The following PPP2R3A variants were observed in gnomAD, a reference collection of about 807,000 sequenced individuals.
PPP2R3A encodes protein phosphatase 2 regulatory subunit B''alpha, also known as serine/threonine-protein phosphatase 2A regulatory subunit B'' subunit alpha.
In PPP2R3A, 80 loss-of-function variants were observed where a neutral mutation model predicts 106.9. The observed-to-expected ratio is 0.75, with a 90% CI of 0.62 to 0.90. PPP2R3A has a LOEUF of 0.90. PPP2R3A is among the 40% of genes least tolerant of loss of function. The pLI is 0.00. For synonymous variants in PPP2R3A, 483 were observed against 468.3 expected, an observed-to-expected ratio of 1.03 and a Z score of -0.41; for missense variants, 1,386 against 1,350.4, an observed-to-expected ratio of 1.03 and a Z score of -0.41.
intron 13 of PPP2R3A, among the ~76,000 whole-genome samples, chr3:136,140,003 C>T (rs1369928726): frequency 3.2e-5 from 4 of 123,618 alleles, no homozygotes; most frequent in Non-Finnish European, 5.1e-5. Flanking sequence ...GAGACTCTGT[C>T]TCAAAAAAAA....
At chr3:136,087,248 T>TCTCTCTCC (rs1936967321) in intron 8 of PPP2R3A, among the ~76,000 whole-genome samples, 1 of 66,490 alleles carries the variant, frequency 1.5e-5, no homozygotes. Flanking sequence ...TAGTCGTGTC[T>TCTCTCTCC]CTCTCTCTCT....
intron 2 of PPP2R3A, among the ~76,000 whole-genome samples, chr3:136,012,072 T>A (rs1934105598): frequency 6.6e-6 from 1 of 152,140 alleles, no homozygotes; most frequent in Admixed American, 6.6e-5. Flanking sequence ...ACCAGGCATT[T>A]ATTTAACATG....
intron 8 of PPP2R3A, among the ~76,000 whole-genome samples, chr3:136,087,055 T>A (rs550552867): frequency 1.8e-4 from 27 of 152,032 alleles, no homozygotes; most frequent in Admixed American, 1.3e-4. Context: ...TACAAAAAAA[T>A]TAGCCAGGTA....
In PPP2R3A at chr3:136,146,883, ACTTTT is replaced by A. The variant is rs1044994865; in HGVS notation, c.*1721_*1725del. The A allele has an allele frequency of 6.7e-6, 1 of 149,732 alleles. No individual in the cohort carries two copies. The highest frequency in any genetic ancestry group is 2.5e-5 in the African/African-American group (1 of 39,302). The allele number at this position is 149,732 out of a possible 1,614,324, so 9.3% of individuals were successfully genotyped here. A position where few individuals can be genotyped will look rare whatever the true frequency, so the allele number is the denominator to read the frequency against. ...ATAGAAATACAAAAAAAAAAAAAAT[ACTTTT>A]CTTAGAAGCCAGATATGGTTTAAAT... On this transcript the variant is annotated 3_prime_UTR_variant, in exon 14 of 14. Transcript: ENST00000264977.
At chr3:135,982,144 A>G (rs1209771161) in intron 1 of PPP2R3A, among the ~76,000 whole-genome samples, 2 of 151,788 alleles carry the variant, frequency 1.3e-5, no homozygotes, top group Non-Finnish European at 2.9e-5. Flanking sequence ...GACAGGTCTT[A>G]CTGAATGAGT....
chr3:136,024,730 C>G (rs6773511), intron 2 of PPP2R3A, among the ~76,000 whole-genome samples: 4,853 of 152,192 alleles, frequency 0.032, 269 homozygotes, highest in African/African-American at 0.11. Flanking sequence ...TGTGACACCA[C>G]AGAAAACATT....
intron 2 of PPP2R3A, among the ~76,000 whole-genome samples, chr3:136,012,690 A>G (rs1156494961): frequency 6.6e-6 from 1 of 152,248 alleles, no homozygotes; most frequent in Non-Finnish European, 1.5e-5. Context: ...GAAATCTAGT[A>G]TTAACTAATT....
intron 13 of PPP2R3A, among the ~76,000 whole-genome samples, chr3:136,142,971 A>G (rs867213854): frequency 6.6e-6 from 1 of 152,224 alleles, no homozygotes; most frequent in African/African-American, 2.4e-5. Context: ...CACTTGCATT[A>G]GCGGAAAGTT....
chr3:136,101,830 G>C (rs1178412012), intron 10 of PPP2R3A, among the ~76,000 whole-genome samples, 177 bp from the exon 11 acceptor site: 1 of 152,128 alleles, frequency 6.6e-6, no homozygotes, highest in African/African-American at 2.4e-5. Flanking sequence ...GGTTGATTCT[G>C]GGTGGAAAAA....
At chr3:136,093,079 CAAAAG>C (rs560945897) in intron 10 of PPP2R3A, among the ~76,000 whole-genome samples, 1 of 152,134 alleles carries the variant, frequency 6.6e-6, no homozygotes, top group Admixed American at 6.6e-5. Flanking sequence ...GCATAAGTAT[CAAAAG>C]AAAAAGTCAA....
At chr3:136,088,761 T>C (rs1937021475) in intron 9 of PPP2R3A, among the ~76,000 whole-genome samples, 2 of 152,182 alleles carry the variant, frequency 1.3e-5, no homozygotes, top group African/African-American at 4.8e-5. Flanking sequence ...TGTGTTACAT[T>C]TTGACGTTTT....
At chr3:136,081,824 G>A (rs1467225182) in intron 7 of PPP2R3A, among the ~76,000 whole-genome samples, 1 of 152,150 alleles carries the variant, frequency 6.6e-6, no homozygotes, top group Non-Finnish European at 1.5e-5. Context: ...AGTAACCTTT[G>A]TGATATAAAC....
intron 2 of PPP2R3A, among the ~76,000 whole-genome samples, chr3:136,023,783 C>G (rs933009162): frequency 6.6e-6 from 1 of 152,030 alleles, no homozygotes; most frequent in Non-Finnish European, 1.5e-5. Context: ...AATGTCTTCC[C>G]TAAGCAAGCT....
chr3:136,049,176 A>G lies in PPP2R3A; in HGVS notation c.2367-83A>G, dbSNP rs560048391. 5.2e-4 allele frequency: 534 copies of G among 1,036,504 alleles called. 1 individual carries two copies. In the African/African-American group the frequency reaches 7.6e-3, roughly 15 times the overall value. 64.2% of individuals were successfully genotyped at this position (1,036,504 alleles called of 1,614,324 possible). On this transcript the variant is annotated intron_variant, in intron 4 of 13. Coordinates refer to ENST00000264977, the MANE Select transcript of PPP2R3A (RefSeq NM_002718.5). ...TGTTGATCTGAGTGGCCTTCAGATC[A>G]AACTGAAATTACTAACTATTGATGT...
intron 2 of PPP2R3A, among the ~76,000 whole-genome samples, chr3:136,006,613 G>T (rs1400349495): frequency 1.3e-5 from 2 of 152,140 alleles, no homozygotes; most frequent in East Asian, 3.8e-4. Flanking sequence ...TTGGTCCATG[G>T]ACTGAAGTTT....
chr3:136,121,537 C>CA (rs1937998143), intron 13 of PPP2R3A, among the ~76,000 whole-genome samples: 1 of 152,086 alleles, frequency 6.6e-6, no homozygotes, highest in Non-Finnish European at 1.5e-5. Flanking sequence ...CAGCAACATG[C>CA]AATTTACCCA....
chr3:136,043,827 T>G (rs1410164729), intron 4 of PPP2R3A, among the ~76,000 whole-genome samples: 1 of 152,214 alleles, frequency 6.6e-6, no homozygotes, highest in Non-Finnish European at 1.5e-5. Flanking sequence ...AGATGCTAGT[T>G]TAGAATAGCT....
At chr3:135,967,787 C>CT (rs1335524456) in intron 1 of PPP2R3A, among the ~76,000 whole-genome samples, 1 of 152,198 alleles carries the variant, frequency 6.6e-6, no homozygotes, top group Non-Finnish European at 1.5e-5. Context: ...ATTGACAGCT[C>CT]TTTTGAGTGT....
intron 13 of PPP2R3A, among the ~76,000 whole-genome samples, chr3:136,117,880 G>A (rs892961330): frequency 6.6e-6 from 1 of 152,136 alleles, no homozygotes; most frequent in African/African-American, 2.4e-5. Flanking sequence ...ATTTTATGAG[G>A]CCAGCATCAT....
Sources: gnomAD v4.1 joint callset for allele counts (sites outside exome capture counted in the v4.1 genomes callset) on GRCh38, gnomAD v4.1.1 for gene constraint, MANE v1.5 for transcripts, NCBI Gene and HGNC (gene_info 2026-07-23, HGNC 2026-07-21) for gene names.